The following KCTD3 variants were observed in gnomAD, a reference collection of about 807,000 sequenced individuals.
The protein encoded by KCTD3 is BTB/POZ domain-containing protein KCTD3.
In KCTD3, 41 loss-of-function variants were observed where a neutral mutation model predicts 85.8. The observed-to-expected ratio is 0.48, with a 90% CI of 0.37 to 0.62. The LOEUF is 0.62. Ranked by LOEUF, KCTD3 falls within the 20% of genes least tolerant of loss-of-function variation. KCTD3 has a pLI of 0.00. For missense variants in KCTD3, 724 were observed against 989.9 expected, an observed-to-expected ratio of 0.73 and a Z score of 3.60; for synonymous variants, 338 against 345.4, an observed-to-expected ratio of 0.98 and a Z score of 0.24.
At chr1:215,601,714 C>T (rs112414639) in intron 10 of KCTD3, among the ~76,000 whole-genome samples, 153 bp from the exon 11 acceptor site, 25 of 152,250 alleles carry the variant, frequency 1.6e-4, no homozygotes, top group African/African-American at 5.5e-4. Context: ...TGTGTGTGCA[C>T]GCGTGCACCT....
rs1475071759 is a variant in KCTD3 at position 215,608,057 on chromosome 1, A to G, written c.1350A>G (p.Thr450=). 2 of 1,611,984 alleles carry G rather than the reference A, an allele frequency of 1.2e-6. No homozygotes were observed. The highest frequency in any genetic ancestry group is 1.7e-6 in the Non-Finnish European group (2 of 1,178,784). The change falls in exon 14 of 18, where the codon ACA becomes ACG. Residue 450 remains threonine (T), a synonymous_variant. Transcript: ENST00000259154. The stretch of plus-strand genomic sequence containing the variant: ...ATCATGTCCGGACGTGGACAGTAAC[A>G]CGATTCAGAGGAATGATCTCTACTC... ...DNNHVRTWTV[T]RFRGMISTQP...
intron 8 of KCTD3, among the ~76,000 whole-genome samples, chr1:215,584,352 T>C (rs927908030): frequency 2.0e-5 from 3 of 152,276 alleles, no homozygotes; most frequent in African/African-American, 7.2e-5. Context: ...TTTAGTCTTA[T>C]TATACTTGGC....
At chr1:215,619,983 G>A in intron 17 of KCTD3, 74 bp from the exon 18 acceptor site, 4 of 1,110,030 alleles carry the variant, frequency 3.6e-6, no homozygotes, top group African/African-American at 1.6e-5. Context: ...TGTTTTATTG[G>A]TTGTATAATT....
In KCTD3 at chr1:215,567,681, C is replaced by A; in HGVS notation, c.-5C>A. ...GGGCGGCGAGCGCGTCCGGAGCCGC[C>A]GGAGATGGCGGGAGGGCACTGCGGC... On this transcript the variant is annotated 5_prime_UTR_variant, in exon 1 of 18. Transcript: ENST00000259154. 2 of 1,237,706 alleles carry A rather than the reference C, an allele frequency of 1.6e-6. No homozygotes were observed. Among genetic ancestry groups the A allele is most frequent in the Non-Finnish European group, 2.0e-6 (2 of 987,022 alleles). The allele number at this position is 1,237,706 out of a possible 1,614,324, so 76.7% of individuals were successfully genotyped here. A position where few individuals can be genotyped will look rare whatever the true frequency, so the allele number is the denominator to read the frequency against.
intron 14 of KCTD3, among the ~76,000 whole-genome samples, chr1:215,609,453 C>G (rs1438516219): frequency 6.6e-6 from 1 of 151,904 alleles, no homozygotes; most frequent in East Asian, 1.9e-4. Context: ...TGGAAGGCAT[C>G]TATACATCAA....
chr1:215,595,576 T>C, intron 10 of KCTD3, 105 bp downstream of exon 10: 3 of 680,178 alleles, frequency 4.4e-6, no homozygotes, highest in Non-Finnish European at 7.4e-6. Context: ...GTTTTGGTTA[T>C]ACAAATATTG....
chr1:215,586,751 T>C (rs774254657), intron 9 of KCTD3, 66 bp downstream of exon 9: 3 of 1,293,590 alleles, frequency 2.3e-6, no homozygotes, highest in Non-Finnish European at 3.3e-6. Context: ...TAAAAGAGAT[T>C]GACACTGAAT....
At position 215,601,895 on chromosome 1, in the gene KCTD3, A is replaced by AT; in HGVS notation, c.963dup (p.Asp322Ter). On this transcript the variant is annotated frameshift_variant, in exon 11 of 18. Coordinates refer to ENST00000259154, the MANE Select transcript of KCTD3 (RefSeq NM_016121.5). LOFTEE classifies it high-confidence loss of function. Reference sequence around the variant, plus strand: ...CAAGATGTTGTTCCTATAACTAGTTATGACACTGCTGGATCATTCCTTCTG... The same window carrying AT: ...CAAGATGTTGTTCCTATAACTAGTTATTGACACTGCTGGATCATTCCTTCTG... The AT allele has an allele frequency of 6.3e-7, 1 of 1,599,686 alleles. No homozygotes were observed. Among genetic ancestry groups the AT allele is most frequent in the Non-Finnish European group, 8.6e-7 (1 of 1,167,416 alleles).
chr1:215,589,839 C>T (rs983118744), intron 9 of KCTD3, among the ~76,000 whole-genome samples: 1 of 152,128 alleles, frequency 6.6e-6, no homozygotes, highest in Admixed American at 6.5e-5. Flanking sequence ...TATCCATTCA[C>T]CCGTTGATAG....
intron 4 of KCTD3, among the ~76,000 whole-genome samples, chr1:215,577,018 A>T (rs1248981655): frequency 6.6e-6 from 1 of 152,226 alleles, no homozygotes; most frequent in Non-Finnish European, 1.5e-5. Flanking sequence ...ATGAATTATT[A>T]GTATTATAAG....
intron 7 of KCTD3, among the ~76,000 whole-genome samples, chr1:215,579,497 CTATT>C (rs1659718179): frequency 1.3e-5 from 2 of 150,982 alleles, no homozygotes; most frequent in African/African-American, 4.9e-5. Flanking sequence ...TCTAACAAAA[CTATT>C]TTTTTTTTTT....
In KCTD3 at chr1:215,579,074, G is replaced by A. The variant is rs758922915; in HGVS notation, c.472G>A (p.Glu158Lys). ...GAATGGTCTAAATTCTACAGAAGGT[G>A]AAGCCCGGGGAAATGGTACACAGCC... is the stretch of plus-strand genomic sequence containing the variant. ...SRNGLNSTEGEARGNGTQPVL... is the reference protein window; with the variant it reads ...SRNGLNSTEGKARGNGTQPVL... The change falls in exon 7 of 18, where the codon GAA (glutamate) becomes AAA (lysine). Residue 158 changes from glutamate (E) to lysine (K), a missense_variant. Transcript: ENST00000259154. 1.5e-5 allele frequency: 24 copies of A among 1,597,446 alleles called. No homozygotes were observed. In the Admixed American group the frequency reaches 1.8e-4, roughly 12 times the overall value.
intron 9 of KCTD3, among the ~76,000 whole-genome samples, chr1:215,588,597 G>A (rs527880435): frequency 1.3e-5 from 2 of 152,024 alleles, no homozygotes; most frequent in Admixed American, 6.5e-5. Context: ...CAACACAGAT[G>A]TTCTAGAATA....
intron 1 of KCTD3, among the ~76,000 whole-genome samples, chr1:215,573,065 T>C (rs1197941633): frequency 6.6e-6 from 1 of 152,194 alleles, no homozygotes; most frequent in African/African-American, 2.4e-5. Flanking sequence ...CCCTTGGTAA[T>C]ATACAAGCTT....
At position 215,584,876 on chromosome 1, in the gene KCTD3, TAGAG is replaced by T. The variant is rs762649466; in HGVS notation, c.627-1615_627-1612del. Among the ~76,000 whole-genome samples the T allele has an allele frequency of 3.9e-4, 59 of 152,332 alleles. 1 individual carries two copies. Among genetic ancestry groups the T allele is most frequent in the African/African-American group, 8.9e-4 (37 of 41,582 alleles). On this transcript the variant is annotated intron_variant, in intron 8 of 17. Coordinates refer to ENST00000259154, the MANE Select transcript of KCTD3 (RefSeq NM_016121.5). ...GTTTCCAAATTCTGGAGAAATCAGA[TAGAG>T]AGAAAGAAATATGCTCCAAATTTTG...
intron 13 of KCTD3, among the ~76,000 whole-genome samples, chr1:215,606,130 T>C (rs1487064732): frequency 6.6e-6 from 1 of 152,230 alleles, no homozygotes; most frequent in Non-Finnish European, 1.5e-5. Context: ...CTCTAACCTG[T>C]TGGCTTTTCT....
chr1:215,587,183 G>A (rs1325285535), intron 9 of KCTD3, among the ~76,000 whole-genome samples: 2 of 148,332 alleles, frequency 1.3e-5, no homozygotes, highest in Non-Finnish European at 3.0e-5. Context: ...AGGCTGTAGT[G>A]CAATGGCATG....
intron 15 of KCTD3, among the ~76,000 whole-genome samples, chr1:215,616,346 A>T (rs537992380): frequency 2.0e-5 from 3 of 152,224 alleles, no homozygotes; most frequent in Non-Finnish European, 4.4e-5. Context: ...CAGGAATAAA[A>T]TCTGATAATT....
chr1:215,608,203 G>A, intron 14 of KCTD3, 31 bp downstream of exon 14: 5 of 1,555,214 alleles, frequency 3.2e-6, no homozygotes, highest in Non-Finnish European at 4.4e-6. Flanking sequence ...GCATTTTTAG[G>A]TACTATATTA....
Sources: allele counts gnomAD v4.1 joint callset (sites outside exome capture counted in the v4.1 genomes callset), GRCh38; gene constraint gnomAD v4.1.1; transcripts MANE v1.5; gene names NCBI Gene and HGNC (gene_info 2026-07-23, HGNC 2026-07-21).